AFDN: variants seen among roughly 807,000 people sequenced by gnomAD.
The protein encoded by AFDN is afadin.
A neutral mutation model predicts 216.6 loss-of-function variants in AFDN; 68 were observed. The ratio of observed to expected loss-of-function variants is 0.31; its 90% CI spans 0.26 to 0.38. AFDN has a LOEUF of 0.38. Ranked by LOEUF, AFDN falls within the 10% of genes least tolerant of loss-of-function variation. The pLI is 1.00. For synonymous variants in AFDN, 868 were observed against 853.7 expected, an observed-to-expected ratio of 1.02 and a Z score of -0.29; for missense variants, 2,136 against 2,342.0, an observed-to-expected ratio of 0.91 and a Z score of 1.82.
intron 21 of AFDN, among the ~76,000 whole-genome samples, chr6:167,920,399 C>T (rs376824345): frequency 1.8e-4 from 28 of 152,186 alleles, no homozygotes; most frequent in African/African-American, 5.6e-4. Flanking sequence ...AAGCGGCAGG[C>T]ACTCGGCCAC....
At chr6:167,861,124 C>T (rs1332265507) in intron 1 of AFDN, among the ~76,000 whole-genome samples, 1 of 152,088 alleles carries the variant, frequency 6.6e-6, no homozygotes, top group Non-Finnish European at 1.5e-5. Context: ...CCTTCATACC[C>T]AGTTTTCAGG....
chr6:167,885,248 A>G (rs537180931), intron 6 of AFDN, among the ~76,000 whole-genome samples: 1 of 152,324 alleles, frequency 6.6e-6, no homozygotes, highest in East Asian at 1.9e-4. Flanking sequence ...CACCATTCAT[A>G]TGTTCATTGG....
rs6921553 is a variant in AFDN, at chr6:167,969,811, G to A, written c.5372G>A (p.Gly1791Glu). ...GATGCAGATTCACCTGGAAGTTCTG[G>A]GGCCCCTGAAAACTTGACATTCAAG... ...SQDADSPGSS[G>E]APENLTFKER... Residue 1791 changes from glycine to glutamate, a missense_variant, in exon 34 of 34, where the codon GGG becomes GAG. Coordinates refer to ENST00000683244, the MANE Select transcript of AFDN (RefSeq NM_001386888.1). 1,064 of 1,612,078 alleles carry A rather than the reference G, an allele frequency of 6.6e-4. 11 individuals are homozygous for A. In the African/African-American group the frequency reaches 0.012, roughly 19 times the overall value.
intron 9 of AFDN, among the ~76,000 whole-genome samples, chr6:167,894,719 G>A (rs1754281405): frequency 6.6e-6 from 1 of 152,164 alleles, no homozygotes; most frequent in Non-Finnish European, 1.5e-5. Flanking sequence ...ACCATGGTGA[G>A]GTGAGGAGAA....
At chr6:167,909,819 C>A (rs774924624) in intron 13 of AFDN, among the ~76,000 whole-genome samples, 1 of 152,180 alleles carries the variant, frequency 6.6e-6, no homozygotes, top group Non-Finnish European at 1.5e-5. Flanking sequence ...AACACATGTT[C>A]CCTGGCTCTT....
intron 1 of AFDN, among the ~76,000 whole-genome samples, chr6:167,854,200 G>T (rs1782634356): frequency 6.6e-6 from 1 of 151,886 alleles, no homozygotes; most frequent in African/African-American, 2.4e-5. Context: ...GGGTGAGGTT[G>T]TTCATCTTTT....
Position 167,922,876 on chromosome 6 carries a change from C to T in AFDN, c.2929C>T (p.His977Tyr), listed in dbSNP as rs940283550. 13 of 1,612,382 alleles carry T rather than the reference C, an allele frequency of 8.1e-6. No individual in the cohort carries two copies. Among genetic ancestry groups the T allele is most frequent in the African/African-American group, 8.0e-5 (6 of 74,850 alleles). Residue 977 changes from histidine to tyrosine, a missense_variant, in exon 22 of 34, where the codon CAC becomes TAC. His to Tyr is a moderately conservative substitution (Grantham distance 83). Coordinates refer to ENST00000683244, the MANE Select transcript of AFDN (RefSeq NM_001386888.1). ...CQRGFCRLIP[H>Y]TRSPGTWTIY... is the part of the protein sequence containing the mutation. ...CTTAGGATTTTGCAGGTTAATTCCT[C>T]ACACACGTTCACCAGGTACTTGGAC...
chr6:167,862,289 G>A (rs944095802), intron 1 of AFDN, among the ~76,000 whole-genome samples: 10 of 152,152 alleles, frequency 6.6e-5, no homozygotes, highest in Non-Finnish European at 1.5e-5. Context: ...GCACATAGGC[G>A]GTGAGCGTGG....
At chr6:167,963,167 A>G (rs1282477963) in intron 31 of AFDN, 2 of 1,065,738 alleles carry the variant, frequency 1.9e-6, no homozygotes, top group Non-Finnish European at 2.3e-6. Flanking sequence ...GAATTTTAAA[A>G]TGACAGCGAA....
In AFDN at chr6:167,891,005, C is replaced by A; in HGVS notation, c.1153C>A (p.Pro385Thr). The change falls in exon 8 of 34, where the codon CCC becomes ACC. Residue 385 changes from proline (P) to threonine (T), a missense_variant. Coordinates refer to ENST00000683244, the MANE Select transcript of AFDN (RefSeq NM_001386888.1). ...CTCCACCCTTCCTCCGGAGAAGCTGCCCTATTTAGTAGAGTTAAGCCCAGG... is the reference window on the plus strand; with the variant it reads ...CTCCACCCTTCCTCCGGAGAAGCTGACCTATTTAGTAGAGTTAAGCCCAGG... ...YGSTLPPEKL[P>T]YLVELSPGRR... is the part of the protein sequence containing the mutation. 1 of 1,613,696 alleles carries A rather than the reference C, an allele frequency of 6.2e-7. No homozygotes were observed. The highest frequency in any genetic ancestry group is 8.5e-7 in the Non-Finnish European group (1 of 1,179,818).
At chr6:167,950,531 C>T (rs987826425) in intron 29 of AFDN, among the ~76,000 whole-genome samples, 1 of 152,244 alleles carries the variant, frequency 6.6e-6, no homozygotes, top group East Asian at 1.9e-4. Context: ...GCGGACGTAT[C>T]GCAGATGTGT....
intron 23 of AFDN, among the ~76,000 whole-genome samples, chr6:167,928,961 C>T (rs543717295): frequency 2.8e-4 from 42 of 152,242 alleles, no homozygotes; most frequent in African/African-American, 5.5e-4. Flanking sequence ...TTTGCTATTA[C>T]GAAAATATTT....
chr6:167,898,910 G>A (rs1206795298), intron 11 of AFDN, among the ~76,000 whole-genome samples: 3 of 152,126 alleles, frequency 2.0e-5, no homozygotes, highest in Non-Finnish European at 2.9e-5. Flanking sequence ...TGCATTGTGG[G>A]CTTAGTAAGG....
chr6:167,964,176 T>C (rs980344134), intron 31 of AFDN: 57 of 1,063,794 alleles, frequency 5.4e-5, no homozygotes, highest in Admixed American at 3.2e-4. Context: ...AATTAAGTGG[T>C]CACTGTAAAA....
intron 1 of AFDN, among the ~76,000 whole-genome samples, chr6:167,843,321 A>C (rs1027984675): frequency 6.6e-6 from 1 of 152,240 alleles, no homozygotes; most frequent in Non-Finnish European, 1.5e-5. Flanking sequence ...TATGAGAAGA[A>C]AAAGTTGCTG....
Position 167,925,964 on chromosome 6 carries a change from T to G in AFDN, c.3099+873T>G, listed in dbSNP as rs573073971. ...TACAATTTGTATTTTTGTTTCTATC[T>G]CTAGGGAATATATGAAAAGCTTGAA... On this transcript the variant is annotated intron_variant, in intron 23 of 33. Transcript: ENST00000683244. 2.2e-4 allele frequency among the ~76,000 whole-genome samples: 33 copies of G among 152,058 alleles called. 1 individual carries two copies. In the South Asian group the frequency reaches 6.6e-3, roughly 31 times the overall value.
At chr6:167,868,839 T>C (rs1416487339) in intron 2 of AFDN, among the ~76,000 whole-genome samples, 3 of 149,330 alleles carry the variant, frequency 2.0e-5, no homozygotes, top group African/African-American at 7.4e-5. Context: ...CACAGTTCAC[T>C]GTGGCCTCAA....
At chr6:167,886,014 A>C (rs983651032) in intron 6 of AFDN, among the ~76,000 whole-genome samples, 27 of 152,180 alleles carry the variant, frequency 1.8e-4, no homozygotes, top group African/African-American at 6.0e-4. Flanking sequence ...TATATGATTA[A>C]GATCTGAATC....
At chr6:167,843,765 C>T (rs2040452) in intron 1 of AFDN, among the ~76,000 whole-genome samples, 77,885 of 151,986 alleles carry the variant, frequency 0.51, 20,551 homozygotes, top group Middle Eastern at 0.57. Context: ...TTTGGTAGTA[C>T]ATTGTAAGAA....
Sources: allele counts gnomAD v4.1 joint callset (sites outside exome capture counted in the v4.1 genomes callset), GRCh38; gene constraint gnomAD v4.1.1; transcripts MANE v1.5; gene names NCBI Gene and HGNC (gene_info 2026-07-23, HGNC 2026-07-21).